Variants in OR10S1 observed in about 807,000 individuals in gnomAD.
OR10S1 encodes the protein olfactory receptor 10S1.
For synonymous variants in OR10S1, 167 were observed against 164.1 expected, an observed-to-expected ratio of 1.02 and a Z score of -0.13; for missense variants, 415 against 407.9, an observed-to-expected ratio of 1.02 and a Z score of -0.15.
At chr11:123,977,339 A>G (rs1194289921) in exon 1 of OR10S1, 1 of 1,614,158 alleles carries the variant, frequency 6.2e-7, no homozygotes. Context: ...CAGAAAGTGG[A>G]AGCAATAAAG....
chr11:123,977,591 G>T (rs1441102122), exon 1 of OR10S1: 1 of 1,612,106 alleles, frequency 6.2e-7, no homozygotes, highest in African/African-American at 1.3e-5. Context: ...AGAATGTTTA[G>T]CGGTGTACCT....
At chr11:123,976,982 G>T (rs1375852271) in exon 1 of OR10S1, 1 of 1,614,058 alleles carries the variant, frequency 6.2e-7, no homozygotes, top group Non-Finnish European at 8.5e-7. Flanking sequence ...CAACACAGCT[G>T]CCACGATGAA....
At chr11:123,977,121 A>T in exon 1 of OR10S1, 1 of 1,614,240 alleles carries the variant, frequency 6.2e-7, no homozygotes, top group Non-Finnish European at 8.5e-7. Context: ...TCGCAGAAGA[A>T]GTAGGCAATG....
chr11:123,977,617 G>T, exon 1 of OR10S1: 1 of 1,608,332 alleles, frequency 6.2e-7, no homozygotes, highest in Non-Finnish European at 8.5e-7. Context: ...CCTCCAGGAA[G>T]AAGTGGCTCA....
chr11:123,977,493 G>A (rs778901930), exon 1 of OR10S1: 7 of 1,614,034 alleles, frequency 4.3e-6, no homozygotes, highest in Non-Finnish European at 5.9e-6. Context: ...AAGCTGAGGT[G>A]AGAGTCAGAG....
rs767106938 is a variant in OR10S1 at position 123,976,792 on chromosome 11, G to A, written c.873C>T (p.Phe291=). 9 of 1,614,226 alleles carry A rather than the reference G, an allele frequency of 5.6e-6. No individual in the cohort carries two copies. The South Asian group carries it at 8.8e-5, about 16-fold the overall frequency. ...CCTCCTTGTTCCGCAAAGTGTAAAT[G>A]AATGGGTTGAGCATTGGAGTTACGA... Residue 291 remains phenylalanine (F), a synonymous_variant, in exon 1 of 1, where the codon TTC becomes TTT. Coordinates refer to ENST00000641123, the Ensembl canonical transcript of OR10S1.
rs760349037 is a variant in OR10S1 at position 123,976,806 on chromosome 11, T to C, written c.859A>G (p.Met287Val). The C allele has an allele frequency of 5.6e-6, 9 of 1,614,006 alleles. No homozygotes were observed. The East Asian group carries it at 1.8e-4, about 32-fold the overall frequency. Residue 287 changes from methionine (M) to valine (V), a missense_variant, in exon 1 of 1, where the codon ATG becomes GTG. Physicochemically the swap from Met to Val is conservative, Grantham distance 21 (BLOSUM62 1). Transcript: ENST00000641123. ...AAAGTGTAAATGAATGGGTTGAGCATTGGAGTTACGATTGTGTAGAAGACA... is the reference window on the plus strand; with the variant it reads ...AAAGTGTAAATGAATGGGTTGAGCACTGGAGTTACGATTGTGTAGAAGACA...
exon 1 of OR10S1, chr11:123,977,627 A>G (rs780210753): frequency 6.2e-7 from 1 of 1,606,912 alleles, no homozygotes; most frequent in Non-Finnish European, 8.5e-7. Flanking sequence ...GAAGTGGCTC[A>G]CCACAGTCTG....
chr11:123,976,941 C>A, exon 1 of OR10S1: 2 of 1,613,938 alleles, frequency 1.2e-6, no homozygotes, highest in Non-Finnish European at 1.7e-6. Flanking sequence ...GGGGAGAAGG[C>A]CCGCTGCCGG....
At chr11:123,976,845 C>A (rs1863723548) in exon 1 of OR10S1, 1 of 1,614,078 alleles carries the variant, frequency 6.2e-7, no homozygotes, top group Non-Finnish European at 8.5e-7. Context: ...GGGGCCCCAG[C>A]TCCTGCCTCA....
chr11:123,977,683 G>A, exon 1 of OR10S1: 2 of 1,599,074 alleles, frequency 1.3e-6, no homozygotes, highest in Non-Finnish European at 1.7e-6. Context: ...ACACAGAGCG[G>A]CTAGTCATCC....
exon 1 of OR10S1, chr11:123,977,062 C>G: frequency 3.1e-6 from 5 of 1,614,202 alleles, no homozygotes; most frequent in Non-Finnish European, 4.2e-6. Context: ...GCATGACTAG[C>G]TCATTAATGG....
exon 1 of OR10S1, chr11:123,977,342 C>T: frequency 1.2e-6 from 2 of 1,614,120 alleles, no homozygotes; most frequent in Non-Finnish European, 1.7e-6. Flanking sequence ...AAAGTGGAAG[C>T]AATAAAGCTG....
exon 1 of OR10S1, chr11:123,976,929 A>C (rs757533917): frequency 5.0e-6 from 8 of 1,613,992 alleles, no homozygotes; most frequent in Non-Finnish European, 5.9e-6. Flanking sequence ...TGGGCAGTGC[A>C]GGGGGAGAAG....
chr11:123,977,070 T>C (rs2137533231), exon 1 of OR10S1: 1 of 1,614,178 alleles, frequency 6.2e-7, no homozygotes, highest in Non-Finnish European at 8.5e-7. Flanking sequence ...AGCTCATTAA[T>C]GGTGGTGTCT....
At chr11:123,977,553 T>TGAGGAGGAA (rs751051422) in exon 1 of OR10S1, 2 of 1,613,896 alleles carry the variant, frequency 1.2e-6, no homozygotes, top group Non-Finnish European at 1.7e-6. Context: ...ATGCTGTAGA[T>TGAGGAGGAA]GAGGAGGAAG....
At position 123,976,920 on chromosome 11, in the gene OR10S1, G is replaced by T. The variant is rs759404080; in HGVS notation, c.745C>A (p.Gln249Lys). ...TAGTACAGGAGCACCCCAGTGAGCT[G>T]GGCAGTGCAGGGGGAGAAGGCCCGC... Residue 249 changes from glutamine to lysine, a missense_variant, in exon 1 of 1, where the codon CAG becomes AAG. Coordinates refer to ENST00000641123, the Ensembl canonical transcript of OR10S1. The T allele has an allele frequency of 4.4e-5, 71 of 1,613,896 alleles. No homozygotes were observed. The highest frequency in any genetic ancestry group is 5.7e-5 in the Non-Finnish European group (67 of 1,180,040).
rs76795438 is a variant in OR10S1 at position 123,976,705 on chromosome 11, T to G, written c.960A>C (p.Pro320=). The G allele has an allele frequency of 1.3e-3, 2,167 of 1,607,942 alleles. 24 individuals carry two copies. In the African/African-American group the frequency reaches 0.023, roughly 17 times the overall value. Residue 320 remains proline (P), a synonymous_variant, in exon 1 of 1, where the codon CCA becomes CCC. Coordinates refer to ENST00000641123, the Ensembl canonical transcript of OR10S1. ...GTTTTGATAGCACAGACTATGGGGG[T>G]GGGCTGCCTGCTGTAGACTCTCGGA...
At chr11:123,977,426 A>G in exon 1 of OR10S1, 2 of 1,614,134 alleles carry the variant, frequency 1.2e-6, no homozygotes, top group Non-Finnish European at 1.7e-6. Flanking sequence ...GGGCACTGTC[A>G]CTGTAGACAA....
Sources: gnomAD v4.1 joint callset for allele counts on GRCh38, gnomAD v4.1.1 for gene constraint, MANE v1.5 for transcripts, NCBI Gene and HGNC (gene_info 2026-07-23, HGNC 2026-07-21) for gene names.